Variants in ASTN1 observed in about 807,000 individuals in gnomAD.
ASTN1 encodes the protein astrotactin 1.
ASTN1 carries 41 observed loss-of-function variants against 140.7 expected under a neutral mutation model. The ratio of observed to expected loss-of-function variants is 0.29; its 90% CI spans 0.23 to 0.38. The LOEUF (loss-of-function observed/expected upper bound fraction) is 0.38. ASTN1 is among the 10% of genes least tolerant of loss of function. The pLI is 1.00. For synonymous variants in ASTN1, 640 were observed against 652.2 expected, an observed-to-expected ratio of 0.98 and a Z score of 0.29; for missense variants, 1,479 against 1,678.8, an observed-to-expected ratio of 0.88 and a Z score of 2.08.
At chr1:176,903,250 C>T (rs1669843783) in intron 16 of ASTN1, among the ~76,000 whole-genome samples, 2 of 152,084 alleles carry the variant, frequency 1.3e-5, no homozygotes, top group African/African-American at 4.8e-5. Flanking sequence ...GCTGCCTCCA[C>T]CTTTGCACAC....
intron 1 of ASTN1, among the ~76,000 whole-genome samples, chr1:177,113,218 A>G (rs1039760056): frequency 6.6e-6 from 1 of 151,984 alleles, no homozygotes; most frequent in African/African-American, 2.4e-5. Flanking sequence ...CATAACCACC[A>G]CACTTGCTCC....
intron 9 of ASTN1, among the ~76,000 whole-genome samples, chr1:176,963,554 G>A (rs576930365): frequency 1.3e-5 from 2 of 152,306 alleles, no homozygotes; most frequent in East Asian, 1.9e-4. Flanking sequence ...CCACTATAGT[G>A]CTTGGATAAA....
Position 177,080,075 on chromosome 1 carries a change from C to T in ASTN1, c.284-18810G>A, listed in dbSNP as rs187262178. On this transcript the variant is annotated intron_variant, in intron 1 of 22. Transcript: ENST00000361833. Reference sequence around the variant, plus strand: ...GGTAGCTGTTGAGATACAATGAATGCTGTGAATGTTATGTGTTTAATGCTT... The same window carrying T: ...GGTAGCTGTTGAGATACAATGAATGTTGTGAATGTTATGTGTTTAATGCTT... Among the ~76,000 whole-genome samples the T allele has an allele frequency of 1.2e-3, 190 of 152,078 alleles. 2 individuals are homozygous for T. The highest frequency in any genetic ancestry group is 4.3e-3 in the African/African-American group (178 of 41,498).
intron 1 of ASTN1, among the ~76,000 whole-genome samples, chr1:177,122,878 T>C (rs919305597): frequency 3.9e-5 from 6 of 152,180 alleles, no homozygotes; most frequent in African/African-American, 1.2e-4. Context: ...GCCCTTGAGA[T>C]AGTAAGCTAG....
Position 176,882,855 on chromosome 1 carries a change from T to G in ASTN1, c.3362+4A>C. On this transcript the variant is annotated splice_donor_region_variant and intron_variant, in intron 20 of 22. Transcript: ENST00000361833. The stretch of plus-strand genomic sequence containing the variant: ...AAGTCACTAGGTAGGTGTGTGTTAC[T>G]CACATGTAAATGGTGTCAGGTTCCA... 1.9e-6 allele frequency: 3 copies of G among 1,614,118 alleles called. No homozygotes were observed. Among genetic ancestry groups the G allele is most frequent in the Non-Finnish European group, 2.5e-6 (3 of 1,180,014 alleles).
intron 1 of ASTN1, among the ~76,000 whole-genome samples, chr1:177,108,511 T>C (rs1680661496): frequency 6.6e-6 from 1 of 152,134 alleles, no homozygotes; most frequent in South Asian, 2.1e-4. Context: ...TTCTCCATAG[T>C]GTAACATGTG....
intron 16 of ASTN1, among the ~76,000 whole-genome samples, chr1:176,899,620 G>A (rs2103045128): frequency 6.6e-6 from 1 of 152,290 alleles, no homozygotes; most frequent in Middle Eastern, 3.4e-3. Flanking sequence ...AAGGCTTGAT[G>A]TGGGGCAAAT....
chr1:177,077,435 A>G (rs1240305377), intron 1 of ASTN1, among the ~76,000 whole-genome samples: 1 of 152,094 alleles, frequency 6.6e-6, no homozygotes, highest in Admixed American at 6.6e-5. Context: ...CAGCCTTTCT[A>G]CTTCATACTA....
At chr1:177,097,419 A>C (rs1284784006) in intron 1 of ASTN1, among the ~76,000 whole-genome samples, 1 of 152,208 alleles carries the variant, frequency 6.6e-6, no homozygotes, top group Non-Finnish European at 1.5e-5. Context: ...CTCCAGTCCC[A>C]CCGTCTATTG....
intron 8 of ASTN1, among the ~76,000 whole-genome samples, chr1:176,969,020 G>A (rs1012819913): frequency 4.6e-5 from 7 of 152,128 alleles, no homozygotes; most frequent in African/African-American, 7.2e-5. Context: ...AGGAAAAGGC[G>A]GGGCAAAGTA....
chr1:176,903,884 C>T (rs1332029870), intron 16 of ASTN1, among the ~76,000 whole-genome samples: 2 of 152,140 alleles, frequency 1.3e-5, no homozygotes, highest in African/African-American at 4.8e-5. Context: ...TTGTGTCTTC[C>T]CAGCTTCTGG....
Position 176,863,224 on chromosome 1 carries a change from AC to A in ASTN1, c.*1059del, listed in dbSNP as rs1668023911. The A allele has an allele frequency of 1.0e-6, 1 of 985,704 alleles. No homozygotes were observed. The highest frequency in any genetic ancestry group is 1.2e-6 in the Non-Finnish European group (1 of 829,744). 61.1% of individuals were successfully genotyped at this position (985,704 alleles called of 1,614,324 possible). ...AGAGAAACGATTTGCAAAACTAGCA[AC>A]ACAAGCAAATTTAGCAAGGTGGGGA... On this transcript the variant is annotated 3_prime_UTR_variant, in exon 23 of 23. Coordinates refer to ENST00000361833, the MANE Select transcript of ASTN1 (RefSeq NM_004319.3).
At chr1:177,049,284 G>A (rs969441226) in intron 2 of ASTN1, among the ~76,000 whole-genome samples, 3 of 152,062 alleles carry the variant, frequency 2.0e-5, no homozygotes, top group Non-Finnish European at 4.4e-5. Flanking sequence ...TTAAAGGGGT[G>A]GGACATGTTT....
At chr1:176,974,629 C>T (rs1673287761) in intron 8 of ASTN1, among the ~76,000 whole-genome samples, 1 of 152,178 alleles carries the variant, frequency 6.6e-6, no homozygotes, top group African/African-American at 2.4e-5. Flanking sequence ...TTGTGATCCG[C>T]CTGCCTTGGC....
intron 2 of ASTN1, among the ~76,000 whole-genome samples, chr1:177,059,719 T>C (rs1328510607): frequency 6.6e-6 from 1 of 152,218 alleles, no homozygotes; most frequent in East Asian, 1.9e-4. Context: ...TTTTCCATCT[T>C]TGGATAATAG....
chr1:176,934,037 G>C (rs1671325143), intron 16 of ASTN1, 115 bp downstream of exon 16: 1 of 1,146,678 alleles, frequency 8.7e-7, no homozygotes, highest in East Asian at 2.5e-5. Context: ...AGAGCATTAG[G>C]GGAAAATCTG....
Position 176,895,614 on chromosome 1 carries a change from G to A in ASTN1, c.2672-784C>T, listed in dbSNP as rs939893071. ...AAAAGATTTGCACTCCAAAACTTGA[G>A]AGATGGGTCCACATCAATTTTGTTT... On this transcript the variant is annotated intron_variant, in intron 16 of 22. Coordinates refer to ENST00000361833, the MANE Select transcript of ASTN1 (RefSeq NM_004319.3). Among the ~76,000 whole-genome samples, 3 of 152,200 alleles carry A rather than the reference G, an allele frequency of 2.0e-5. No homozygotes were observed. The South Asian group carries it at 6.2e-4, about 32-fold the overall frequency.
chr1:176,862,209 G>T lies in ASTN1; in HGVS notation c.*2075C>A. ...ACAGCCAATTTTTCTGCTGATCTTT[G>T]CTTTGAAAGTAGGGGAATCTCTGAG... On this transcript the variant is annotated 3_prime_UTR_variant, in exon 23 of 23. Transcript: ENST00000361833. The T allele has an allele frequency of 1.0e-6, 1 of 985,406 alleles. No homozygotes were observed. Among genetic ancestry groups the T allele is most frequent in the Non-Finnish European group, 1.2e-6 (1 of 829,942 alleles). The allele number at this position is 985,406 out of a possible 1,614,324, so 61.0% of individuals were successfully genotyped here. A position where few individuals can be genotyped will look rare whatever the true frequency, so the allele number is the denominator to read the frequency against.
At chr1:177,084,287 T>C (rs1679320759) in intron 1 of ASTN1, among the ~76,000 whole-genome samples, 1 of 152,092 alleles carries the variant, frequency 6.6e-6, no homozygotes, top group African/African-American at 2.4e-5. Context: ...CCCATCTAGT[T>C]TTGCTTTACC....
Sources: gnomAD v4.1 joint callset for allele counts (sites outside exome capture counted in the v4.1 genomes callset) on GRCh38, gnomAD v4.1.1 for gene constraint, MANE v1.5 for transcripts, NCBI Gene and HGNC (gene_info 2026-07-23, HGNC 2026-07-21) for gene names.